ITFG1: variants seen among roughly 807,000 people sequenced by gnomAD.
The protein encoded by ITFG1 is T-cell immunomodulatory protein.
Under a neutral mutation model 81.8 loss-of-function variants are expected in ITFG1, and 34 were observed. The ratio of observed to expected loss-of-function variants is 0.42; its 90% confidence interval spans 0.32 to 0.55. ITFG1 has a LOEUF of 0.55. ITFG1 is among the 20% of genes least tolerant of loss of function. The pLI, the probability that ITFG1 is intolerant of heterozygous loss-of-function variation, is 0.17. For missense variants in ITFG1, 672 were observed against 755.4 expected, an observed-to-expected ratio of 0.89 and a Z score of 1.29; for synonymous variants, 285 against 270.6, an observed-to-expected ratio of 1.05 and a Z score of -0.52.
chr16:47,234,725 G>C (rs1355243260), intron 13 of ITFG1, among the ~76,000 whole-genome samples: 12 of 152,154 alleles, frequency 7.9e-5, no homozygotes, highest in African/African-American at 2.9e-4. Flanking sequence ...ATTTAAAAAA[G>C]CTCATTTGAG....
chr16:47,300,385 C>G (rs1160930590), intron 10 of ITFG1, among the ~76,000 whole-genome samples: 1 of 152,214 alleles, frequency 6.6e-6, no homozygotes, highest in East Asian at 1.9e-4. Context: ...TTGGTCACAA[C>G]GGTGTGTTGG....
In ITFG1 at chr16:47,410,619, T is replaced by G. The variant is rs1968798076; in HGVS notation, c.655+18185A>C. ...GGAAGCTGGAACCCTTGCCTGGCCT[T>G]ACTGAGCACCTTGACGAGTTCCTGG... On this transcript the variant is annotated intron_variant, in intron 6 of 17. Coordinates refer to ENST00000320640, the MANE Select transcript of ITFG1 (RefSeq NM_030790.5). Among the ~76,000 whole-genome samples, 3 of 152,106 alleles carry G rather than the reference T, an allele frequency of 2.0e-5. No homozygotes were observed. The South Asian group carries it at 6.2e-4, about 32-fold the overall frequency.
In ITFG1 at chr16:47,311,256, T is replaced by G. The variant is rs775067982; in HGVS notation, c.1054A>C (p.Lys352Gln). The part of the protein sequence containing the change: ...DGYPDALVIL[K>Q]NTSGSNQQAF... ...TTTCCTTACCTTCCAGATGTGTTCT[T>G]TAGTATGACCAGAGCGTCTGGATAG... Residue 352 changes from lysine (K) to glutamine (Q), a missense_variant, in exon 10 of 18, where the codon AAG (lysine) becomes CAG (glutamine). Physicochemically the swap from Lys to Gln is moderately conservative, Grantham distance 53. Transcript: ENST00000320640. 1.9e-6 allele frequency: 3 copies of G among 1,608,122 alleles called. No homozygotes were observed. The African/African-American group carries it at 4.0e-5, about 22-fold the overall frequency.
At chr16:47,384,312 AAGTT>A (rs766705355) in intron 6 of ITFG1, among the ~76,000 whole-genome samples, 2 of 152,216 alleles carry the variant, frequency 1.3e-5, no homozygotes, top group East Asian at 3.8e-4. Context: ...TAAAAATACA[AAGTT>A]AGTTATTTAA....
At chr16:47,279,223 G>T (rs2151549443) in intron 10 of ITFG1, among the ~76,000 whole-genome samples, 1 of 152,174 alleles carries the variant, frequency 6.6e-6, no homozygotes, top group East Asian at 1.9e-4. Flanking sequence ...CTCAATCTAG[G>T]TCACAAAGAC....
At chr16:47,273,729 G>A (rs1966367557) in intron 10 of ITFG1, among the ~76,000 whole-genome samples, 1 of 152,106 alleles carries the variant, frequency 6.6e-6, no homozygotes, top group Non-Finnish European at 1.5e-5. Flanking sequence ...AAATAGGTGA[G>A]TAGAAAATAT....
At chr16:47,348,366 A>G (rs1967892150) in intron 8 of ITFG1, among the ~76,000 whole-genome samples, 2 of 152,252 alleles carry the variant, frequency 1.3e-5, no homozygotes, top group East Asian at 3.8e-4. Flanking sequence ...AAGTCCTTAA[A>G]GGACCTGATG....
chr16:47,252,493 T>C (rs1966088264), intron 12 of ITFG1, among the ~76,000 whole-genome samples: 2 of 152,324 alleles, frequency 1.3e-5, no homozygotes, highest in South Asian at 4.1e-4. Context: ...ATGAGTTAAG[T>C]TCTAGACTAG....
intron 14 of ITFG1, among the ~76,000 whole-genome samples, chr16:47,171,331 G>A (rs1229774008): frequency 1.3e-5 from 2 of 152,128 alleles, no homozygotes; most frequent in African/African-American, 4.8e-5. Flanking sequence ...TTGTTGATAT[G>A]CAGTTGTTTA....
chr16:47,258,314 C>T (rs533939931), intron 12 of ITFG1, among the ~76,000 whole-genome samples: 23 of 152,208 alleles, frequency 1.5e-4, no homozygotes, highest in Admixed American at 1.4e-3. Flanking sequence ...GAATGCAAAG[C>T]CTGGATTCTT....
intron 6 of ITFG1, among the ~76,000 whole-genome samples, chr16:47,379,726 C>T (rs890902062): frequency 2.0e-5 from 3 of 151,662 alleles, no homozygotes; most frequent in Admixed American, 6.6e-5. Flanking sequence ...GTTGGATCAC[C>T]TTTCATGGGG....
At chr16:47,240,789 C>T (rs1965924144) in intron 12 of ITFG1, among the ~76,000 whole-genome samples, 1 of 151,980 alleles carries the variant, frequency 6.6e-6, no homozygotes, top group Non-Finnish European at 1.5e-5. Flanking sequence ...GATAAATAAG[C>T]AGTCATTTAT....
intron 12 of ITFG1, among the ~76,000 whole-genome samples, chr16:47,247,226 T>C (rs1966011679): frequency 6.6e-6 from 1 of 151,984 alleles, no homozygotes; most frequent in Non-Finnish European, 1.5e-5. Context: ...ATTTTTATTC[T>C]CATTTTTTCC....
Position 47,375,909 on chromosome 16 carries a change from A to G in ITFG1, c.687T>C (p.Thr229=). ...CCCATATTTCAAACTGGAAGGTACT[A>G]GTGGTGGCATTCAATGTCGTCAGGA... ...DLFLTTLNAT[T]STFQFEIWEN... The change falls in exon 7 of 18, where the codon ACT becomes ACC. Residue 229 remains threonine, a synonymous_variant. Coordinates refer to ENST00000320640, the MANE Select transcript of ITFG1 (RefSeq NM_030790.5). 1 of 1,607,476 alleles carries G rather than the reference A, an allele frequency of 6.2e-7. No homozygotes were observed. The highest frequency in any genetic ancestry group is 8.5e-7 in the Non-Finnish European group (1 of 1,174,456).
At chr16:47,461,153 A>G, upstream of ITFG1, 1 of 1,151,248 alleles carries the variant, frequency 8.7e-7, no homozygotes, top group Non-Finnish European at 1.2e-6. Flanking sequence ...GACGCGTAAG[A>G]GCCGCTGCCG....
intron 12 of ITFG1, among the ~76,000 whole-genome samples, chr16:47,241,297 T>C (rs908244421): frequency 5.9e-5 from 9 of 152,200 alleles, no homozygotes; most frequent in African/African-American, 2.2e-4. Context: ...TTTCCAGCTA[T>C]ATTCCAAGAA....
At chr16:47,236,191 C>T (rs893573208) in intron 13 of ITFG1, among the ~76,000 whole-genome samples, 1 of 152,036 alleles carries the variant, frequency 6.6e-6, no homozygotes. Flanking sequence ...GTGTCACCTA[C>T]CTGGCCAGGT....
At chr16:47,254,051 A>C (rs555620417) in intron 12 of ITFG1, among the ~76,000 whole-genome samples, 2 of 152,086 alleles carry the variant, frequency 1.3e-5, no homozygotes, top group Non-Finnish European at 2.9e-5. Flanking sequence ...GCACATTTTG[A>C]CTTGAGTTTT....
At chr16:47,197,711 C>T (rs906988209) in intron 14 of ITFG1, among the ~76,000 whole-genome samples, 1 of 152,178 alleles carries the variant, frequency 6.6e-6, no homozygotes, top group Non-Finnish European at 1.5e-5. Context: ...TTGCACAACA[C>T]CCACTTGGGT....
Sources: gnomAD v4.1 joint callset for allele counts (sites outside exome capture counted in the v4.1 genomes callset) on GRCh38, gnomAD v4.1.1 for gene constraint, MANE v1.5 for transcripts, NCBI Gene and HGNC (gene_info 2026-07-23, HGNC 2026-07-21) for gene names.